Variants in IQSEC1 observed in about 807,000 individuals in gnomAD.
IQSEC1 encodes IQ motif and SEC7 domain-containing protein 1.
IQSEC1 carries 31 observed loss-of-function variants against 91.0 expected under a neutral mutation model. That is an observed-to-expected ratio of 0.34 (90% CI 0.26 to 0.46). The LOEUF (loss-of-function observed/expected upper bound fraction) is 0.46, where lower values mean the gene tolerates loss of function less well. IQSEC1 is among the 20% of genes least tolerant of loss of function. IQSEC1 has a pLI of 1.00. For synonymous variants in IQSEC1, 699 were observed against 662.6 expected (o/e 1.05, Z -0.84); for missense variants, 1,388 against 1,575.6 (o/e 0.88, Z 2.02).
intron 1 of IQSEC1, among the ~76,000 whole-genome samples, chr3:12,953,404 AGGCCCGATAAGGCCC>A (rs1699692477): frequency 6.6e-6 from 1 of 152,218 alleles, no homozygotes; most frequent in Non-Finnish European, 1.5e-5. Flanking sequence ...TGCCCTGCTG[AGGCCCGATAAGGCCC>A]GGCCCAGGTC....
chr3:12,987,219 G>A (rs968329895), intron 1 of IQSEC1, among the ~76,000 whole-genome samples: 1 of 152,260 alleles, frequency 6.6e-6, no homozygotes, highest in Non-Finnish European at 1.5e-5. Context: ...GTCCTGCTGG[G>A]GGCGGGGAGG....
At chr3:13,273,226 C>G (rs927879963) in intron 1 of IQSEC1, among the ~76,000 whole-genome samples, 4 of 152,198 alleles carry the variant, frequency 2.6e-5, no homozygotes, top group Admixed American at 6.5e-5. Context: ...GTCCTGGCTC[C>G]TGGCCACCGT....
At chr3:13,247,068 G>A (rs1695120381) in intron 1 of IQSEC1, among the ~76,000 whole-genome samples, 1 of 152,176 alleles carries the variant, frequency 6.6e-6, no homozygotes, top group African/African-American at 2.4e-5. Flanking sequence ...TCTCGCTGTG[G>A]GTGCCACTTG....
At chr3:13,269,390 T>C (rs1275679551) in intron 1 of IQSEC1, among the ~76,000 whole-genome samples, 1 of 152,332 alleles carries the variant, frequency 6.6e-6, no homozygotes, top group East Asian at 1.9e-4. Context: ...TTGGCTGCTT[T>C]GCCATATGGC....
chr3:13,141,526 G>A (rs1706799581), intron 2 of IQSEC1, among the ~76,000 whole-genome samples: 1 of 152,234 alleles, frequency 6.6e-6, no homozygotes. Flanking sequence ...CTAAGTAAGG[G>A]AGGGAGAAGA....
intron 1 of IQSEC1, among the ~76,000 whole-genome samples, chr3:13,038,258 GTGTGTATATATA>G (rs1368441909): frequency 2.0e-3 from 103 of 51,384 alleles, no homozygotes; most frequent in African/African-American, 6.8e-3. Flanking sequence ...ATGTGTGTGT[GTGTGTATATATA>G]TATATATATA....
chr3:13,032,354 C>G (rs1416806473), intron 1 of IQSEC1, among the ~76,000 whole-genome samples: 1 of 152,206 alleles, frequency 6.6e-6, no homozygotes, highest in African/African-American at 2.4e-5. Flanking sequence ...CACACACACC[C>G]CGGCTGGCCC....
chr3:13,014,329 G>C (rs1576166140), intron 1 of IQSEC1, among the ~76,000 whole-genome samples: 1 of 152,202 alleles, frequency 6.6e-6, no homozygotes, highest in Non-Finnish European at 1.5e-5. Context: ...AACCCCGGAA[G>C]GGAGGACTTT....
intron 1 of IQSEC1, among the ~76,000 whole-genome samples, chr3:12,948,271 C>A (rs959572322): frequency 1.3e-5 from 2 of 152,266 alleles, no homozygotes; most frequent in African/African-American, 2.4e-5. Context: ...CAAGCCCCAG[C>A]AGCTGGAGGC....
chr3:13,177,543 G>A (rs1693758083), intron 1 of IQSEC1, among the ~76,000 whole-genome samples: 3 of 144,322 alleles, frequency 2.1e-5, no homozygotes, highest in African/African-American at 7.9e-5. Flanking sequence ...GCCACAGCAG[G>A]CAGCCACATG....
At chr3:13,128,515 T>C (rs1286812106) in intron 2 of IQSEC1, among the ~76,000 whole-genome samples, 1 of 152,256 alleles carries the variant, frequency 6.6e-6, no homozygotes, top group Non-Finnish European at 1.5e-5. Context: ...TCCCACTTAG[T>C]TGCAGTGTAA....
At chr3:12,966,689 A>T (rs1354457922) in intron 1 of IQSEC1, among the ~76,000 whole-genome samples, 1 of 151,926 alleles carries the variant, frequency 6.6e-6, no homozygotes, top group East Asian at 1.9e-4. Context: ...CACCACACAA[A>T]GCCCCTCACA....
At chr3:13,185,646 G>A (rs765541467) in intron 1 of IQSEC1, among the ~76,000 whole-genome samples, 5 of 152,252 alleles carry the variant, frequency 3.3e-5, no homozygotes, top group Non-Finnish European at 5.9e-5. Flanking sequence ...AGGCTGGAAC[G>A]TTGCTGTAGC....
At position 12,913,557 on chromosome 3, in the gene IQSEC1, T is replaced by G. The variant is rs767983952; in HGVS notation, c.2191-4A>C. ...GACGGTGGGGCAGAGAGAGCACCTG[T>G]GTGGGAAGAGGCTGTCCTGCCACGG... On this transcript the variant is annotated splice_polypyrimidine_tract_variant and splice_region_variant and intron_variant, in intron 8 of 13. Coordinates refer to ENST00000613206, the MANE Select transcript of IQSEC1 (RefSeq NM_001134382.3). 1.2e-6 allele frequency: 2 copies of G among 1,601,028 alleles called. No homozygotes were observed. The highest frequency in any genetic ancestry group is 4.5e-5 in the East Asian group (2 of 44,220).
chr3:13,053,133 G>A (rs571010774), intron 1 of IQSEC1: 477 of 805,006 alleles, frequency 5.9e-4, no homozygotes, highest in Non-Finnish European at 8.7e-4. Flanking sequence ...GGCGAGAAGC[G>A]GACTCAAGCA....
intron 1 of IQSEC1, among the ~76,000 whole-genome samples, chr3:12,986,573 T>C (rs1701745192): frequency 1.3e-5 from 2 of 152,102 alleles, no homozygotes. Context: ...TCCCTTCCCC[T>C]CTCCCCTGCC....
upstream of IQSEC1, among the ~76,000 whole-genome samples, chr3:13,073,509 CGCCG>C (rs1705504268): frequency 1.3e-5 from 2 of 152,244 alleles, no homozygotes; most frequent in Non-Finnish European, 2.9e-5. Context: ...CCGGACCAAT[CGCCG>C]AGGCGCTGGT....
At chr3:13,152,353 A>C (rs1371916482) in intron 2 of IQSEC1, among the ~76,000 whole-genome samples, 1 of 152,224 alleles carries the variant, frequency 6.6e-6, no homozygotes, top group East Asian at 1.9e-4. Context: ...CAATGGGAAA[A>C]CAGTAAAGAA....
chr3:13,006,078 A>G (rs1702622430), intron 1 of IQSEC1, among the ~76,000 whole-genome samples: 1 of 152,214 alleles, frequency 6.6e-6, no homozygotes, highest in Admixed American at 6.5e-5. Flanking sequence ...GTGAAATAAC[A>G]GCCCAGCAAA....
Sources: gnomAD v4.1 joint callset for allele counts (sites outside exome capture counted in the v4.1 genomes callset) on GRCh38, gnomAD v4.1.1 for gene constraint, MANE v1.5 for transcripts, NCBI Gene and HGNC (gene_info 2026-07-23, HGNC 2026-07-21) for gene names.